AKT1S1: variants seen among roughly 807,000 people sequenced by gnomAD.
The protein encoded by AKT1S1 is proline-rich AKT1 substrate 1.
A neutral mutation model predicts 21.2 loss-of-function variants in AKT1S1; 17 were observed. The ratio of observed to expected loss-of-function variants is 0.80; its 90% CI spans 0.55 to 1.20. The LOEUF (loss-of-function observed/expected upper bound fraction) is 1.20. Ranked by LOEUF, AKT1S1 falls within the 50% of genes most tolerant of loss-of-function variation. The probability of loss-of-function intolerance (pLI) is 0.00; values close to 1 mark genes in which losing one functional copy is unlikely to be tolerated. For missense variants in AKT1S1, 366 were observed against 368.3 expected (o/e 0.99, Z 0.05); for synonymous variants, 181 against 165.6 (o/e 1.09, Z -0.72).
intron 4 of AKT1S1, among the ~76,000 whole-genome samples, chr19:49,871,321 C>T (rs549111873): frequency 1.8e-4 from 27 of 152,270 alleles, no homozygotes; most frequent in African/African-American, 3.9e-4. Context: ...TAAATAGAGA[C>T]GCTCCTGGAA....
chr19:49,876,931 G>C (rs2074954683), intron 1 of AKT1S1: 1 of 393,660 alleles, frequency 2.5e-6, no homozygotes, highest in Non-Finnish European at 4.5e-6. Context: ...AAACTTCTTC[G>C]ACAAAAGTAG....
At chr19:49,870,308 T>C (rs941488246) in intron 4 of AKT1S1, among the ~76,000 whole-genome samples, 3 of 152,170 alleles carry the variant, frequency 2.0e-5, no homozygotes, top group East Asian at 1.9e-4. Flanking sequence ...CTTCTTGGCC[T>C]AGGACATTGC....
In AKT1S1 at chr19:49,872,980, C is replaced by T; in HGVS notation, c.316G>A (p.Asp106Asn). The change falls in exon 2 of 5, where the codon GAC becomes AAC. Residue 106 changes from aspartate to asparagine, a missense_variant. Physicochemically the swap from Asp to Asn is conservative, Grantham distance 23 (BLOSUM62 1). Coordinates refer to ENST00000344175, the MANE Select transcript of AKT1S1 (RefSeq NM_001098633.4). The part of the protein sequence containing the change: ...PTLAREDNEE[D>N]EDEPTETETS... ...TCTGTCTCTGTGGGCTCATCCTCGT[C>T]CTCCTCGTTGTCCTCTCTGGCCAGG... The T allele has an allele frequency of 6.3e-7, 1 of 1,599,356 alleles. No individual in the cohort carries two copies. Among genetic ancestry groups the T allele is most frequent in the Non-Finnish European group, 8.5e-7 (1 of 1,174,474 alleles).
In AKT1S1 at chr19:49,873,245, A is replaced by G; in HGVS notation, c.51T>C (p.Ala17=). The change falls in exon 2 of 5, where the codon GCT becomes GCC. Residue 17 remains alanine, a synonymous_variant. Transcript: ENST00000344175. This position sits in a 1 kb window ranked among gnomAD's most constrained non-coding sequence, Gnocchi z 6.9. ...EELWEAVVGA[A]ERFRARTGTE... is the part of the protein sequence containing the mutation. ...TGCCAGTCCGGGCCCGGAAGCGCTCAGCGGCCCCCACCACGGCCTCCCACA... is the reference window on the plus strand; with the variant it reads ...TGCCAGTCCGGGCCCGGAAGCGCTCGGCGGCCCCCACCACGGCCTCCCACA... The G allele has an allele frequency of 6.5e-7, 1 of 1,534,022 alleles. No individual in the cohort carries two copies. Among genetic ancestry groups the G allele is most frequent in the Non-Finnish European group, 8.7e-7 (1 of 1,150,758 alleles).
upstream of AKT1S1, chr19:49,878,271 C>T: frequency 1.3e-6 from 2 of 1,541,476 alleles, no homozygotes; most frequent in South Asian, 1.2e-5. Flanking sequence ...GGCTCGGACC[C>T]GCTCCGAGCG....
chr19:49,869,810 AAGG>A lies in AKT1S1; in HGVS notation c.*104_*106del. The A allele has an allele frequency of 8.3e-7, 1 of 1,204,716 alleles. No individual in the cohort carries two copies. Among genetic ancestry groups the A allele is most frequent in the South Asian group, 2.2e-5 (1 of 44,522 alleles). 74.6% of individuals were successfully genotyped at this position (1,204,716 alleles called of 1,614,324 possible). ...GGACAATCTTGGGAATGGGAGACGCAAGGAGGCCGGTCCCGGATCGGCCTCAGA... is the reference window on the plus strand; with the variant it reads ...GGACAATCTTGGGAATGGGAGACGCAAGGCCGGTCCCGGATCGGCCTCAGA... On this transcript the variant is annotated 3_prime_UTR_variant, in exon 5 of 5. Transcript: ENST00000344175.
rs1013697787 is a variant in AKT1S1, at chr19:49,871,397, C to A, written c.627+150G>T. Reference sequence around the variant, plus strand: ...GGCTGCAATTGTTAAAACTGCAAGGCTCGTGTCCAAGAACTCGCCTCTTGA... The same window carrying A: ...GGCTGCAATTGTTAAAACTGCAAGGATCGTGTCCAAGAACTCGCCTCTTGA... On this transcript the variant is annotated intron_variant, in intron 4 of 4. Coordinates refer to ENST00000344175, the MANE Select transcript of AKT1S1 (RefSeq NM_001098633.4). The A allele has an allele frequency of 3.8e-6, 4 of 1,063,786 alleles. No individual in the cohort carries two copies. In the African/African-American group the frequency reaches 6.2e-5, roughly 17 times the overall value. The allele number at this position is 1,063,786 out of a possible 1,614,324, so 65.9% of individuals were successfully genotyped here.
Position 49,871,882 on chromosome 19 carries a change from A to G in AKT1S1, c.387T>C (p.Phe129=), listed in dbSNP as rs2122372057. Residue 129 remains phenylalanine, a synonymous_variant, in exon 3 of 5, where the codon TTT becomes TTC. Coordinates refer to ENST00000344175, the MANE Select transcript of AKT1S1 (RefSeq NM_001098633.4). ...QLGISDNGGL[F]VMDEDATLQD... is the part of the protein sequence containing the mutation. ...GGAGGGTGGCGTCCTCATCCATCAC[A>G]AAGAGCCCTGTGGATGACCTGAGTT... The G allele has an allele frequency of 6.2e-7, 1 of 1,613,250 alleles. No homozygotes were observed. Among genetic ancestry groups the G allele is most frequent in the Non-Finnish European group, 8.5e-7 (1 of 1,179,728 alleles).
chr19:49,869,905 C>T lies in AKT1S1; in HGVS notation c.*12G>A. On this transcript the variant is annotated 3_prime_UTR_variant, in exon 5 of 5. Coordinates refer to ENST00000344175, the MANE Select transcript of AKT1S1 (RefSeq NM_001098633.4). ...GGGGCGGACGCGGCCCGGGGCGCTC[C>T]CTCCCTGGACTTCAATATTTCCGCT... The T allele has an allele frequency of 6.7e-7, 1 of 1,485,262 alleles. No homozygotes were observed. 92.0% of individuals were successfully genotyped at this position (1,485,262 alleles called of 1,614,324 possible).
chr19:49,869,672 G>A lies in AKT1S1; in HGVS notation c.*245C>T. On this transcript the variant is annotated 3_prime_UTR_variant, in exon 5 of 5. Coordinates refer to ENST00000344175, the MANE Select transcript of AKT1S1 (RefSeq NM_001098633.4). Reference sequence around the variant, plus strand: ...CAGCGAGCCAATCCCTTAATAGAAGGAATCTGTCGCTAGGCGGAGAGAGAC... The same window carrying A: ...CAGCGAGCCAATCCCTTAATAGAAGAAATCTGTCGCTAGGCGGAGAGAGAC... 2.4e-6 allele frequency: 1 copy of A among 421,490 alleles called. No individual in the cohort carries two copies. The highest frequency in any genetic ancestry group is 4.2e-6 in the Non-Finnish European group (1 of 237,676). The allele number at this position is 421,490 out of a possible 1,614,324, so 26.1% of individuals were successfully genotyped here. A position where few individuals can be genotyped will look rare whatever the true frequency, so the allele number is the denominator to read the frequency against.
At chr19:49,877,991 G>A (rs781406716), upstream of AKT1S1, 3 of 744,062 alleles carry the variant, frequency 4.0e-6, no homozygotes, top group Admixed American at 2.9e-5. Context: ...ATCCGAACGC[G>A]GGCTGGACCA....
At chr19:49,872,799 G>A in intron 2 of AKT1S1, 118 bp downstream of exon 2, 3 of 1,241,396 alleles carry the variant, frequency 2.4e-6, no homozygotes, top group Non-Finnish European at 3.3e-6. Flanking sequence ...TGGCTCTGGG[G>A]TCCTGAGACT....
chr19:49,873,077 A>C lies in AKT1S1; in HGVS notation c.219T>G (p.Thr73=). 6.4e-7 allele frequency: 1 copy of C among 1,552,888 alleles called. No homozygotes were observed. Among genetic ancestry groups the C allele is most frequent in the Non-Finnish European group, 8.7e-7 (1 of 1,150,622 alleles). Residue 73 remains threonine, a synonymous_variant, in exon 2 of 5, where the codon ACT becomes ACG. Transcript: ENST00000344175. This position sits in a 1 kb window ranked among gnomAD's most constrained non-coding sequence, Gnocchi z 6.9. The stretch of plus-strand genomic sequence containing the variant: ...GTGGGGGCGCAGGAGGCCGAGCAGC[A>C]GTGGCAGCCCTGTGGGCCAGTGCGA... The part of the protein sequence containing the change: ...HDIALAHRAA[T]AARPPAPPPA...
In AKT1S1 at chr19:49,873,903, T is replaced by C. The variant is rs2122383579; in HGVS notation, c.-7-601A>G. ...CACGTGGGGCTTGTGTTGAATTTGA[T>C]GGATGATGCCACCCTGCTCCGTCGC... On this transcript the variant is annotated intron_variant, in intron 1 of 4. Transcript: ENST00000344175. The surrounding 1 kb of genome is among the most constrained non-coding windows in gnomAD (Gnocchi z 6.9). 1 of 152,366 alleles carries C rather than the reference T, an allele frequency of 6.6e-6. No homozygotes were observed. Among genetic ancestry groups the C allele is most frequent in the African/African-American group, 2.4e-5 (1 of 41,562 alleles). The allele number at this position is 152,366 out of a possible 1,614,324, so 9.4% of individuals were successfully genotyped here.
upstream of AKT1S1, chr19:49,878,009 C>G: frequency 1.2e-6 from 1 of 809,982 alleles, no homozygotes; most frequent in Admixed American, 2.8e-5. Context: ...CCATTCTCCC[C>G]GCCTTGGTCC....
chr19:49,876,472 T>C (rs2074945720), intron 1 of AKT1S1: 7 of 1,199,248 alleles, frequency 5.8e-6, no homozygotes, highest in Admixed American at 4.1e-5. Context: ...AAAGGATCGC[T>C]GGCAGACCTC....
intron 1 of AKT1S1, chr19:49,876,740 A>G: frequency 7.2e-7 from 1 of 1,384,198 alleles, no homozygotes; most frequent in Non-Finnish European, 9.4e-7. Flanking sequence ...CCCGAGATCA[A>G]GATGGCGGCC....
chr19:49,870,562 G>A (rs1033119279), intron 4 of AKT1S1, among the ~76,000 whole-genome samples: 3 of 152,168 alleles, frequency 2.0e-5, no homozygotes, highest in African/African-American at 7.2e-5. Flanking sequence ...TGGCCACTGC[G>A]CTACAGAAAA....
At chr19:49,875,909 G>C (rs1448911733) in intron 1 of AKT1S1, 5 of 985,300 alleles carry the variant, frequency 5.1e-6, no homozygotes, top group Non-Finnish European at 6.0e-6. Context: ...TTTCCTCCAA[G>C]GAGCTGAGAG....
Sources: gnomAD v4.1 joint callset for allele counts (sites outside exome capture counted in the v4.1 genomes callset) on GRCh38, gnomAD v4.1.1 for gene constraint, Gnocchi (gnomAD v3.1) non-coding constraint, MANE v1.5 for transcripts, NCBI Gene and HGNC (gene_info 2026-07-23, HGNC 2026-07-21) for gene names.